DPP10: variants seen among roughly 807,000 people sequenced by gnomAD.
The protein encoded by DPP10 is inactive dipeptidyl peptidase 10.
A neutral mutation model predicts 120.9 loss-of-function variants in DPP10; 33 were observed. The observed-to-expected ratio is 0.27, with a 90% CI of 0.21 to 0.37. DPP10 has a LOEUF of 0.37. DPP10 is among the 10% of genes least tolerant of loss of function. DPP10 has a pLI of 1.00. For missense variants in DPP10, 816 were observed against 942.8 expected (o/e 0.87, Z 1.76); for synonymous variants, 337 against 326.1 (o/e 1.03, Z -0.36).
chr2:115,144,821 AAAAATAAAAT>A (rs893351869), intron 1 of DPP10: 1 of 151,604 alleles, frequency 6.6e-6, no homozygotes, highest in Non-Finnish European at 1.5e-5. Flanking sequence ...ATAATAATAA[AAAAATAAAAT>A]AAAATAAAAT....
intron 1 of DPP10, among the ~76,000 whole-genome samples, chr2:115,086,830 C>T (rs1459707480): frequency 1.1e-5 from 1 of 89,602 alleles, no homozygotes; most frequent in African/African-American, 3.5e-5. Flanking sequence ...AGTTGTACCC[C>T]AATAACCTTG....
At chr2:115,692,099 T>C (rs1328273140) in intron 7 of DPP10, among the ~76,000 whole-genome samples, 1 of 152,072 alleles carries the variant, frequency 6.6e-6, no homozygotes, top group African/African-American at 2.4e-5. Flanking sequence ...TTAAAATCCT[T>C]CTGCACTAGT....
chr2:115,681,399 G>A (rs915338382), intron 5 of DPP10, among the ~76,000 whole-genome samples: 2 of 151,686 alleles, frequency 1.3e-5, no homozygotes, highest in South Asian at 4.1e-4. Context: ...AATTATGTAT[G>A]AGGGTATAGT....
At chr2:115,252,727 A>G (rs1455991272) in intron 1 of DPP10, among the ~76,000 whole-genome samples, 1 of 152,176 alleles carries the variant, frequency 6.6e-6, no homozygotes, top group South Asian at 2.1e-4. Flanking sequence ...TTCTTTATGT[A>G]CTTGAATAAA....
intron 3 of DPP10, among the ~76,000 whole-genome samples, chr2:115,350,759 T>G (rs536923543): frequency 3.5e-4 from 53 of 152,164 alleles, no homozygotes; most frequent in Non-Finnish European, 7.2e-4. Flanking sequence ...CTGTAGTTTA[T>G]TATGTTCTTT....
intron 7 of DPP10, among the ~76,000 whole-genome samples, chr2:115,721,131 G>A (rs923173667): frequency 6.6e-6 from 1 of 152,146 alleles, no homozygotes; most frequent in African/African-American, 2.4e-5. Context: ...TTTTAGGCAT[G>A]TACATTTAAG....
At chr2:115,766,310 G>GTATATATATATA (rs1221483510) in intron 12 of DPP10, among the ~76,000 whole-genome samples, 1 of 81,738 alleles carries the variant, frequency 1.2e-5, no homozygotes, top group African/African-American at 4.3e-5. Flanking sequence ...GTGTGTGTGT[G>GTATATATATATA]TATATATATA....
rs542282382 is a variant in DPP10 at position 114,928,685 on chromosome 2, T to C, written c.61-380554T>C. ...GCAGCTATACTAGATGTGGTCCTAG[T>C]ACAGGCTCTCAGTGGTGGCTATGCT... On this transcript the variant is annotated intron_variant, in intron 1 of 25. Transcript: ENST00000410059. Among the ~76,000 whole-genome samples the C allele has an allele frequency of 2.6e-5, 4 of 152,224 alleles. No homozygotes were observed. In the South Asian group the frequency reaches 8.3e-4, roughly 32 times the overall value.
intron 1 of DPP10, among the ~76,000 whole-genome samples, chr2:114,827,001 A>G (rs75963461): frequency 0.02 from 2,983 of 152,190 alleles, 103 homozygotes; most frequent in African/African-American, 0.068. Flanking sequence ...CAGGAAGCAC[A>G]TCTGTCACAT....
At chr2:115,599,009 CTT>C (rs1202751522) in intron 5 of DPP10, among the ~76,000 whole-genome samples, 1 of 151,760 alleles carries the variant, frequency 6.6e-6, no homozygotes. Context: ...TCCCTGCTCT[CTT>C]TTGTTCTTCA....
At chr2:114,744,616 A>G (rs1678390245) in intron 1 of DPP10, among the ~76,000 whole-genome samples, 1 of 152,218 alleles carries the variant, frequency 6.6e-6, no homozygotes, top group African/African-American at 2.4e-5. Context: ...TGCAGGCTAC[A>G]AAATGGTGTT....
At chr2:114,746,231 A>G (rs1338784558) in intron 1 of DPP10, among the ~76,000 whole-genome samples, 2 of 152,010 alleles carry the variant, frequency 1.3e-5, no homozygotes, top group African/African-American at 4.8e-5. Context: ...CCTTACCCAA[A>G]TGTCTTTTGA....
chr2:114,828,753 T>A (rs1686788237), intron 1 of DPP10: 1 of 152,228 alleles, frequency 6.6e-6, no homozygotes, highest in Non-Finnish European at 1.5e-5. Context: ...GAGAAGTTAG[T>A]CATTGAAGTG....
At chr2:115,335,163 C>T (rs988285793) in intron 2 of DPP10, among the ~76,000 whole-genome samples, 8 of 151,802 alleles carry the variant, frequency 5.3e-5, no homozygotes, top group African/African-American at 1.9e-4. Context: ...TCTCATGAGA[C>T]TCATTCAGTA....
At chr2:115,681,180 C>T (rs1364900832) in intron 5 of DPP10, among the ~76,000 whole-genome samples, 1 of 128,290 alleles carries the variant, frequency 7.8e-6, no homozygotes, top group East Asian at 2.3e-4. Flanking sequence ...ATGTGCATAT[C>T]TTCTGATCTA....
intron 1 of DPP10, among the ~76,000 whole-genome samples, chr2:114,584,539 T>TC (rs1024800910): frequency 2.3e-5 from 2 of 88,018 alleles, no homozygotes; most frequent in Admixed American, 1.5e-4. Flanking sequence ...ATGCTATCCC[T>TC]CCCCCCTCCC....
At chr2:114,770,669 T>C (rs1195569460) in intron 1 of DPP10, among the ~76,000 whole-genome samples, 1 of 152,214 alleles carries the variant, frequency 6.6e-6, no homozygotes, top group Non-Finnish European at 1.5e-5. Context: ...AGGGAGCACA[T>C]GGGCTACAAA....
At chr2:115,503,232 T>C (rs10195384) in intron 4 of DPP10, among the ~76,000 whole-genome samples, 19,636 of 152,100 alleles carry the variant, frequency 0.13, 2,703 homozygotes, top group African/African-American at 0.33. Flanking sequence ...TACAAAATAG[T>C]AGGTTTGGGA....
At position 114,452,295 on chromosome 2, in the gene DPP10, A is replaced by T. The variant is rs142077545; in HGVS notation, c.60+9457A>T. Among the ~76,000 whole-genome samples, 230 of 152,286 alleles carry T rather than the reference A, an allele frequency of 1.5e-3. 2 individuals carry two copies. Among genetic ancestry groups the T allele is most frequent in the African/African-American group, 5.4e-3 (223 of 41,572 alleles). On this transcript the variant is annotated intron_variant, in intron 1 of 25. Transcript: ENST00000410059. ...TTATTTTCTTCCTCATTCTCTGATT[A>T]CATATCCTATATGTTGTCTTTAATA...
Sources: allele counts gnomAD v4.1 joint callset (sites outside exome capture counted in the v4.1 genomes callset), GRCh38; gene constraint gnomAD v4.1.1; transcripts MANE v1.5; gene names NCBI Gene and HGNC (gene_info 2026-07-23, HGNC 2026-07-21).